The following GPC6 variants were observed in gnomAD, a reference collection of about 807,000 sequenced individuals.
GPC6 encodes glypican-6.
In GPC6, 14 loss-of-function variants were observed where a neutral mutation model predicts 55.2. The observed-to-expected ratio is 0.25, with a 90% CI of 0.17 to 0.40. The LOEUF is 0.40. Ranked by LOEUF, GPC6 falls within the 10% of genes least tolerant of loss-of-function variation. GPC6 has a pLI of 1.00. For missense variants in GPC6, 641 were observed against 708.5 expected, an observed-to-expected ratio of 0.90 and a Z score of 1.08; for synonymous variants, 278 against 259.6, an observed-to-expected ratio of 1.07 and a Z score of -0.68.
At chr13:93,401,625 G>GCGGTAAAGA (rs1003977474) in intron 1 of GPC6, among the ~76,000 whole-genome samples, 13 of 149,742 alleles carry the variant, frequency 8.7e-5, no homozygotes, top group African/African-American at 3.2e-4. Flanking sequence ...TATTGCCAAT[G>GCGGTAAAGA]CGGTAAAGAG....
At chr13:94,183,824 A>G (rs1889078899) in intron 4 of GPC6, among the ~76,000 whole-genome samples, 1 of 152,150 alleles carries the variant, frequency 6.6e-6, no homozygotes, top group Non-Finnish European at 1.5e-5. Flanking sequence ...GCATATGTCT[A>G]GTGTCTTAGT....
chr13:93,521,745 C>G (rs779073377), intron 1 of GPC6, among the ~76,000 whole-genome samples: 1 of 151,870 alleles, frequency 6.6e-6, no homozygotes, highest in Non-Finnish European at 1.5e-5. Context: ...ATTAAGTTCT[C>G]CAGTGGTATT....
chr13:93,712,641 G>A (rs935987380), intron 2 of GPC6, among the ~76,000 whole-genome samples: 1 of 151,512 alleles, frequency 6.6e-6, no homozygotes, highest in African/African-American at 2.4e-5. Context: ...CCTAAATGGA[G>A]TGTAGTTTTT....
intron 4 of GPC6, among the ~76,000 whole-genome samples, chr13:94,084,063 C>A (rs937376720): frequency 6.6e-6 from 1 of 152,224 alleles, no homozygotes; most frequent in Non-Finnish European, 1.5e-5. Flanking sequence ...GGCTATAGTC[C>A]TTCCATCTCC....
chr13:93,682,307 A>G (rs570596577), intron 2 of GPC6, among the ~76,000 whole-genome samples: 1 of 152,298 alleles, frequency 6.6e-6, no homozygotes, highest in African/African-American at 2.4e-5. Context: ...CAGTGAGAAC[A>G]ATAACCCCAG....
chr13:93,622,862 A>G (rs1232452673), intron 2 of GPC6, among the ~76,000 whole-genome samples: 1 of 152,108 alleles, frequency 6.6e-6, no homozygotes, highest in Non-Finnish European at 1.5e-5. Flanking sequence ...TATTTCTGCT[A>G]TCTATTTGTA....
chr13:94,005,400 AT>A (rs1258126460), intron 3 of GPC6, among the ~76,000 whole-genome samples: 1 of 152,144 alleles, frequency 6.6e-6, no homozygotes, highest in African/African-American at 2.4e-5. Context: ...AAATCCAGAC[AT>A]TTCTTGAATT....
intron 1 of GPC6, among the ~76,000 whole-genome samples, chr13:93,505,180 C>G (rs555742654): frequency 6.6e-6 from 1 of 152,058 alleles, no homozygotes; most frequent in Non-Finnish European, 1.5e-5. Context: ...GTATATTAGT[C>G]AAAATGTCAT....
At chr13:93,532,623 C>T (rs989857162) in intron 1 of GPC6, among the ~76,000 whole-genome samples, 1 of 152,138 alleles carries the variant, frequency 6.6e-6, no homozygotes, top group Non-Finnish European at 1.5e-5. Flanking sequence ...ACACTGCCCA[C>T]TCCTCACCTC....
chr13:94,123,405 T>A (rs1445052608), intron 4 of GPC6, among the ~76,000 whole-genome samples: 4 of 152,080 alleles, frequency 2.6e-5, no homozygotes, highest in Admixed American at 2.6e-4. Flanking sequence ...TAATATATAT[T>A]TTAATCCTAT....
intron 2 of GPC6, among the ~76,000 whole-genome samples, chr13:93,605,151 G>A (rs1878185678): frequency 6.6e-6 from 1 of 152,056 alleles, no homozygotes; most frequent in East Asian, 1.9e-4. Flanking sequence ...ACTTCATCCA[G>A]TTGGTTTCTG....
At chr13:94,175,428 T>C (rs1346286092) in intron 4 of GPC6, among the ~76,000 whole-genome samples, 3 of 152,196 alleles carry the variant, frequency 2.0e-5, no homozygotes, top group Non-Finnish European at 4.4e-5. Context: ...TGGTGTTCGT[T>C]GTAGGAATAC....
chr13:93,253,891 A>G (rs1876867516), intron 1 of GPC6, among the ~76,000 whole-genome samples: 3 of 152,214 alleles, frequency 2.0e-5, no homozygotes, highest in Admixed American at 2.0e-4. Context: ...TTTGAATAAA[A>G]TTTCTAGAGA....
At chr13:93,524,596 C>T (rs181804044) in intron 1 of GPC6, among the ~76,000 whole-genome samples, 7 of 152,160 alleles carry the variant, frequency 4.6e-5, no homozygotes, top group Admixed American at 2.6e-4. Context: ...ACCCTTTATT[C>T]AAGTCACTTT....
chr13:93,488,218 T>C (rs541989164), intron 1 of GPC6, among the ~76,000 whole-genome samples: 2 of 151,962 alleles, frequency 1.3e-5, no homozygotes, highest in Admixed American at 6.6e-5. Context: ...GAACATGTGG[T>C]GTTTGGTTTT....
At chr13:94,006,765 A>G (rs537242281) in intron 3 of GPC6, among the ~76,000 whole-genome samples, 1 of 152,262 alleles carries the variant, frequency 6.6e-6, no homozygotes, top group African/African-American at 2.4e-5. Context: ...GTTTCCAGAG[A>G]TGAAATTGAT....
At chr13:94,061,004 T>G (rs1362669773) in intron 4 of GPC6, among the ~76,000 whole-genome samples, 1 of 152,222 alleles carries the variant, frequency 6.6e-6, no homozygotes, top group African/African-American at 2.4e-5. Context: ...TTGTCACATA[T>G]ACTATTGAGC....
chr13:93,318,940 A>T (rs1345916453), intron 1 of GPC6, among the ~76,000 whole-genome samples: 1 of 152,170 alleles, frequency 6.6e-6, no homozygotes, highest in Non-Finnish European at 1.5e-5. Context: ...TCTAGTCAGA[A>T]TGAGGTTTAT....
intron 4 of GPC6, among the ~76,000 whole-genome samples, chr13:94,274,583 GAGAAAA>G (rs1892145187): frequency 2.0e-5 from 3 of 152,106 alleles, no homozygotes; most frequent in Admixed American, 2.0e-4. Context: ...TTGGCAGAAT[GAGAAAA>G]AGAAAATCAA....
Sources: allele counts gnomAD v4.1 joint callset (sites outside exome capture counted in the v4.1 genomes callset), GRCh38; gene constraint gnomAD v4.1.1; transcripts MANE v1.5; gene names NCBI Gene and HGNC (gene_info 2026-07-23, HGNC 2026-07-21).